The following CDS1 variants were observed in gnomAD, a reference collection of about 807,000 sequenced individuals.
CDS1 encodes phosphatidate cytidylyltransferase 1.
A neutral mutation model predicts 62.1 loss-of-function variants in CDS1; 41 were observed. That is an observed-to-expected ratio of 0.66 (90% CI 0.51 to 0.86). The LOEUF (loss-of-function observed/expected upper bound fraction) is 0.86. Ranked by LOEUF, CDS1 falls within the 40% of genes least tolerant of loss-of-function variation. The pLI, the probability that CDS1 is intolerant of heterozygous loss-of-function variation, is 0.00. For synonymous variants in CDS1, 185 were observed against 192.6 expected (o/e 0.96, Z 0.32); for missense variants, 470 against 550.1 (o/e 0.85, Z 1.46).
chr4:84,643,191 A>G, intron 11 of CDS1, 48 bp downstream of exon 11: 2 of 1,581,022 alleles, frequency 1.3e-6, no homozygotes, highest in Admixed American at 1.7e-5. Flanking sequence ...ATAATTAGAG[A>G]ATGTAACCTA....
intron 10 of CDS1, among the ~76,000 whole-genome samples, chr4:84,641,215 C>T (rs540375191): frequency 1.3e-5 from 2 of 152,028 alleles, no homozygotes; most frequent in Non-Finnish European, 2.9e-5. Flanking sequence ...TACAGGCGCT[C>T]GCCACCACAT....
rs558062983 is a variant in CDS1 at position 84,630,520 on chromosome 4, T to TA, written c.581-1298dup. ...ATTCTTTGCTTGGTGAGAGTAGTAA[T>TA]ACCCTTGTTTACTCTACTGGTAGAA... is the stretch of plus-strand genomic sequence containing the variant. On this transcript the variant is annotated intron_variant, in intron 5 of 12. Coordinates refer to ENST00000295887, the MANE Select transcript of CDS1 (RefSeq NM_001263.4). Among the ~76,000 whole-genome samples the TA allele has an allele frequency of 3.3e-3, 502 of 152,324 alleles. 2 individuals are homozygous for TA. The highest frequency in any genetic ancestry group is 4.8e-3 in the Non-Finnish European group (327 of 68,016).
chr4:84,593,684 C>T (rs1722662894), intron 1 of CDS1, among the ~76,000 whole-genome samples: 1 of 151,734 alleles, frequency 6.6e-6, no homozygotes, highest in Admixed American at 6.6e-5. Flanking sequence ...TTTGTATTTT[C>T]GTAGAGACGG....
chr4:84,641,013 A>G, intron 10 of CDS1, 23 bp downstream of exon 10: 1 of 1,475,748 alleles, frequency 6.8e-7, no homozygotes. Flanking sequence ...TTCAAGATAA[A>G]CATGGTTAGA....
At chr4:84,589,852 C>T (rs1227233467) in intron 1 of CDS1, among the ~76,000 whole-genome samples, 3 of 152,050 alleles carry the variant, frequency 2.0e-5, no homozygotes, top group Non-Finnish European at 4.4e-5. Flanking sequence ...ACTCTGTTGC[C>T]CAGGCTGGAG....
Position 84,583,350 on chromosome 4 carries a change from C to A in CDS1, c.-52C>A. 1 of 1,354,000 alleles carries A rather than the reference C, an allele frequency of 7.4e-7. No homozygotes were observed. 83.9% of individuals were successfully genotyped at this position (1,354,000 alleles called of 1,614,324 possible). A position where few individuals can be genotyped will look rare whatever the true frequency, so the allele number is the denominator to read the frequency against. ...CCCGCCTGCAGAACCCTGCTTGCAG[C>A]TCAGGTTTCGGGGTGCTTGAGGAGG... On this transcript the variant is annotated 5_prime_UTR_variant, in exon 1 of 13. Coordinates refer to ENST00000295887, the MANE Select transcript of CDS1 (RefSeq NM_001263.4).
intron 12 of CDS1, among the ~76,000 whole-genome samples, chr4:84,647,068 G>A (rs148134998): frequency 0.019 from 2,846 of 152,046 alleles, 83 homozygotes; most frequent in African/African-American, 0.066. Context: ...TATTAAAATA[G>A]CAATATCAGC....
At chr4:84,635,783 G>T (rs1207626471) in intron 8 of CDS1, among the ~76,000 whole-genome samples, 1 of 145,616 alleles carries the variant, frequency 6.9e-6, no homozygotes, top group Admixed American at 6.9e-5. Flanking sequence ...TGAAGATGGG[G>T]TCTTGCTTTG....
chr4:84,588,452 T>G (rs902641572), intron 1 of CDS1, among the ~76,000 whole-genome samples: 1 of 152,192 alleles, frequency 6.6e-6, no homozygotes, highest in Non-Finnish European at 1.5e-5. Flanking sequence ...ACGGGAGAAT[T>G]GCAATAGAGA....
At chr4:84,603,097 T>A (rs1399773257) in intron 1 of CDS1, among the ~76,000 whole-genome samples, 1 of 152,200 alleles carries the variant, frequency 6.6e-6, no homozygotes, top group Non-Finnish European at 1.5e-5. Flanking sequence ...ATTTACTAAG[T>A]CCTTGGCATT....
chr4:84,586,303 TG>T (rs1440845607), intron 1 of CDS1, among the ~76,000 whole-genome samples: 1 of 152,168 alleles, frequency 6.6e-6, no homozygotes, highest in African/African-American at 2.4e-5. Context: ...ATTATTACAT[TG>T]TAATATATAA....
At chr4:84,613,207 A>G (rs1055612657) in intron 3 of CDS1, among the ~76,000 whole-genome samples, 14 of 152,182 alleles carry the variant, frequency 9.2e-5, no homozygotes, top group South Asian at 6.2e-4. Flanking sequence ...TTCTATTCCT[A>G]TTCTTAACTA....
At chr4:84,622,598 A>G (rs887465535) in intron 5 of CDS1, among the ~76,000 whole-genome samples, 5 of 152,052 alleles carry the variant, frequency 3.3e-5, no homozygotes, top group Non-Finnish European at 7.4e-5. Context: ...ATCTCAAAAT[A>G]ATAATAATAA....
At chr4:84,620,799 G>A (rs1260295183) in intron 5 of CDS1, among the ~76,000 whole-genome samples, 1 of 151,704 alleles carries the variant, frequency 6.6e-6, no homozygotes, top group African/African-American at 2.4e-5. Context: ...GGTGGCTCAT[G>A]CCTGTAATCC....
Position 84,648,834 on chromosome 4 carries a change from T to A in CDS1, c.*148T>A. On this transcript the variant is annotated 3_prime_UTR_variant, in exon 13 of 13. Coordinates refer to ENST00000295887, the MANE Select transcript of CDS1 (RefSeq NM_001263.4). Reference sequence around the variant, plus strand: ...TCTCTCTGAAATTACTGTGAATATTTAACAAACACTTACTTGATCTATGTT... The same window carrying A: ...TCTCTCTGAAATTACTGTGAATATTAAACAAACACTTACTTGATCTATGTT... The A allele has an allele frequency of 1.4e-6, 1 of 706,460 alleles. No individual in the cohort carries two copies. Among genetic ancestry groups the A allele is most frequent in the Non-Finnish European group, 2.2e-6 (1 of 447,442 alleles). The allele number at this position is 706,460 out of a possible 1,614,324, so 43.8% of individuals were successfully genotyped here.
In CDS1 at chr4:84,608,838, AACGTCCTAACCTC is replaced by A. The variant is rs556682403; in HGVS notation, c.246-587_246-575del. On this transcript the variant is annotated intron_variant, in intron 2 of 12. Coordinates refer to ENST00000295887, the MANE Select transcript of CDS1 (RefSeq NM_001263.4). ...ACTTTCACATCCACCCTGACCACCT[AACGTCCTAACCTC>A]ACGGTTTATTCCCCACTCACATTTA... Among the ~76,000 whole-genome samples, 8 of 152,100 alleles carry A rather than the reference AACGTCCTAACCTC, an allele frequency of 5.3e-5. No individual in the cohort carries two copies. The East Asian group carries it at 1.6e-3, about 30-fold the overall frequency.
chr4:84,639,029 C>A, intron 9 of CDS1, 37 bp downstream of exon 9: 1 of 1,000,608 alleles, frequency 1.0e-6, no homozygotes. Context: ...GTATACATTT[C>A]GAAATATGAT....
At chr4:84,594,808 C>G (rs1010648514) in intron 1 of CDS1, among the ~76,000 whole-genome samples, 1 of 152,084 alleles carries the variant, frequency 6.6e-6, no homozygotes, top group Non-Finnish European at 1.5e-5. Flanking sequence ...GCTCAACTTC[C>G]CAAGCTCAAG....
chr4:84,624,279 A>C (rs930042898), intron 5 of CDS1, among the ~76,000 whole-genome samples: 37 of 135,636 alleles, frequency 2.7e-4, no homozygotes, highest in African/African-American at 9.8e-4. Context: ...GTCTCAAAAA[A>C]AAAAAAACAA....
Sources: gnomAD v4.1 joint callset for allele counts (sites outside exome capture counted in the v4.1 genomes callset) on GRCh38, gnomAD v4.1.1 for gene constraint, MANE v1.5 for transcripts, NCBI Gene and HGNC (gene_info 2026-07-23, HGNC 2026-07-21) for gene names.